The following ARHGAP26 variants were observed in gnomAD, a reference collection of about 807,000 sequenced individuals.
ARHGAP26 encodes rho GTPase-activating protein 26.
In ARHGAP26, 38 loss-of-function variants were observed where a neutral mutation model predicts 104.8. The ratio of observed to expected loss-of-function variants is 0.36; its 90% CI spans 0.28 to 0.48. ARHGAP26 has a LOEUF of 0.48. ARHGAP26 is among the 20% of genes least tolerant of loss of function. The pLI is 0.99. For missense variants in ARHGAP26, 704 were observed against 947.9 expected, an observed-to-expected ratio of 0.74 and a Z score of 3.38; for synonymous variants, 341 against 340.0, an observed-to-expected ratio of 1.00 and a Z score of -0.03.
chr5:143,113,022 G>T (rs1794953103), intron 17 of ARHGAP26, among the ~76,000 whole-genome samples: 1 of 152,142 alleles, frequency 6.6e-6, no homozygotes, highest in Non-Finnish European at 1.5e-5. Flanking sequence ...CTAATTTTTT[G>T]AGGAGCTACC....
intron 18 of ARHGAP26, among the ~76,000 whole-genome samples, chr5:143,125,059 C>A (rs1051061100): frequency 1.4e-4 from 22 of 152,082 alleles, no homozygotes; most frequent in African/African-American, 4.8e-4. Flanking sequence ...GTATGGAGAA[C>A]CAACTCATAA....
chr5:142,823,456 C>G (rs1766602050), intron 1 of ARHGAP26, among the ~76,000 whole-genome samples: 1 of 152,036 alleles, frequency 6.6e-6, no homozygotes, highest in Non-Finnish European at 1.5e-5. Flanking sequence ...GAATGTGTTC[C>G]CACTTCTCCC....
rs868000551 is a variant in ARHGAP26, at chr5:142,912,277, G to A, written c.934-922G>A. ...CACAACAATGTGGATGAATAGCAAAGCAATTACGTTAAGTGAAAAAAGCCA... is the reference window on the plus strand; with the variant it reads ...CACAACAATGTGGATGAATAGCAAAACAATTACGTTAAGTGAAAAAAGCCA... On this transcript the variant is annotated intron_variant, in intron 9 of 22. Transcript: ENST00000645722. Among the ~76,000 whole-genome samples, 2 of 152,220 alleles carry A rather than the reference G, an allele frequency of 1.3e-5. 1 individual carries two copies. The highest frequency in any genetic ancestry group is 4.1e-4 in the South Asian group (2 of 4,836).
intron 17 of ARHGAP26, among the ~76,000 whole-genome samples, chr5:143,100,579 C>A (rs191488162): frequency 6.6e-6 from 1 of 152,228 alleles, no homozygotes; most frequent in Admixed American, 6.5e-5. Context: ...AATCACCTCC[C>A]ATGGTGTGAA....
intron 1 of ARHGAP26, among the ~76,000 whole-genome samples, chr5:142,805,676 C>T (rs1239689590): frequency 6.6e-6 from 1 of 152,120 alleles, no homozygotes; most frequent in Non-Finnish European, 1.5e-5. Flanking sequence ...GCAGCTGTAA[C>T]CTGGAATGAA....
At chr5:143,145,380 C>T (rs1216366549) in intron 19 of ARHGAP26, among the ~76,000 whole-genome samples, 1 of 152,182 alleles carries the variant, frequency 6.6e-6, no homozygotes, top group Non-Finnish European at 1.5e-5. Flanking sequence ...CAGTAAATGT[C>T]TCCAGTTGAA....
intron 1 of ARHGAP26, among the ~76,000 whole-genome samples, chr5:142,844,303 G>A (rs1299728470): frequency 2.0e-5 from 3 of 151,814 alleles, no homozygotes; most frequent in Non-Finnish European, 2.9e-5. Context: ...CGCCTGCCTC[G>A]GCCTCCCAGA....
chr5:143,098,313 G>A (rs555611617), intron 17 of ARHGAP26, among the ~76,000 whole-genome samples: 2 of 152,088 alleles, frequency 1.3e-5, no homozygotes, highest in South Asian at 2.1e-4. Context: ...ATACAATTCC[G>A]CAATGTCATT....
At chr5:142,867,168 C>G (rs3733732) in intron 1 of ARHGAP26, among the ~76,000 whole-genome samples, 20,802 of 152,078 alleles carry the variant, frequency 0.14, 1,729 homozygotes, top group East Asian at 0.25. Flanking sequence ...AAATTAGCTG[C>G]TTGGTCAAGG....
rs533897680 is a variant in ARHGAP26 at position 143,125,151 on chromosome 5, T to G, written c.1698+4004T>G. ...AGTGGGTAATTCAGTTTCTTTAACC[T>G]GGTAAAACACCTCTTTTTCAATAGA... On this transcript the variant is annotated intron_variant, in intron 18 of 22. Transcript: ENST00000645722. 1.4e-4 allele frequency among the ~76,000 whole-genome samples: 22 copies of G among 152,348 alleles called. No individual in the cohort carries two copies. In the South Asian group the frequency reaches 4.6e-3, roughly 32 times the overall value.
rs116713315 is a variant in ARHGAP26 at position 143,101,111 on chromosome 5, C to G, written c.1539-19877C>G. Among the ~76,000 whole-genome samples the G allele has an allele frequency of 7.2e-3, 1,091 of 152,128 alleles. 12 individuals are homozygous for G. The highest frequency in any genetic ancestry group is 0.025 in the African/African-American group (1,048 of 41,500). ...CTATCTCAAAAAACAAACAAACAAA[C>G]AAAAAACCAAAGAGTTCTGAAGCCA... On this transcript the variant is annotated intron_variant, in intron 17 of 22. Transcript: ENST00000645722.
intron 21 of ARHGAP26, among the ~76,000 whole-genome samples, chr5:143,213,273 C>A (rs35940573): frequency 0.37 from 55,572 of 151,936 alleles, 11,932 homozygotes; most frequent in African/African-American, 0.6. Flanking sequence ...AAACATTCAA[C>A]GGACATGAGA....
intron 19 of ARHGAP26, among the ~76,000 whole-genome samples, chr5:143,136,561 G>A (rs970458978): frequency 3.3e-5 from 5 of 152,154 alleles, no homozygotes; most frequent in Non-Finnish European, 7.4e-5. Context: ...GTTTGTTTTA[G>A]AGACCCCTTT....
intron 12 of ARHGAP26, among the ~76,000 whole-genome samples, chr5:143,031,850 G>A (rs767315525): frequency 3.3e-5 from 5 of 152,014 alleles, no homozygotes; most frequent in Non-Finnish European, 7.4e-5. Context: ...TTTTAGATAA[G>A]AAAATCATTT....
intron 12 of ARHGAP26, among the ~76,000 whole-genome samples, chr5:143,018,020 C>T (rs1779825927): frequency 6.6e-6 from 1 of 152,236 alleles, no homozygotes; most frequent in African/African-American, 2.4e-5. Flanking sequence ...ATTCAGCTCT[C>T]TAATTTTTTG....
At chr5:143,209,857 A>T (rs1362929051) in intron 21 of ARHGAP26, among the ~76,000 whole-genome samples, 1 of 152,096 alleles carries the variant, frequency 6.6e-6, no homozygotes, top group East Asian at 1.9e-4. Flanking sequence ...AACACTGCTG[A>T]GGAGCTAGCC....
intron 1 of ARHGAP26, among the ~76,000 whole-genome samples, chr5:142,837,720 A>C (rs1192696433): frequency 6.6e-6 from 1 of 152,164 alleles, no homozygotes; most frequent in African/African-American, 2.4e-5. Context: ...CTTTTTGGGC[A>C]TCATGGTTTA....
intron 1 of ARHGAP26, among the ~76,000 whole-genome samples, chr5:142,802,446 T>C (rs1389924979): frequency 6.6e-6 from 1 of 152,184 alleles, no homozygotes; most frequent in Non-Finnish European, 1.5e-5. Flanking sequence ...TTGGAAACTG[T>C]GGCTTTAAGT....
chr5:142,848,910 T>C (rs903029079), intron 1 of ARHGAP26, among the ~76,000 whole-genome samples: 4 of 152,200 alleles, frequency 2.6e-5, no homozygotes, highest in Non-Finnish European at 5.9e-5. Flanking sequence ...TACTAAGTAA[T>C]GACTGTCAGA....
Sources: allele counts gnomAD v4.1 joint callset (sites outside exome capture counted in the v4.1 genomes callset), GRCh38; gene constraint gnomAD v4.1.1; transcripts MANE v1.5; gene names NCBI Gene and HGNC (gene_info 2026-07-23, HGNC 2026-07-21).